The following IL1RAPL2 variants were observed in gnomAD, a reference collection of about 807,000 sequenced individuals.
IL1RAPL2 encodes interleukin 1 receptor accessory protein like 2, also known as X-linked interleukin-1 receptor accessory protein-like 2.
IL1RAPL2 carries 3 observed loss-of-function variants against 44.1 expected under a neutral mutation model. The observed-to-expected ratio is 0.07, with a 90% CI of 0.03 to 0.18. The LOEUF is 0.18. Ranked by LOEUF, IL1RAPL2 falls within the 10% of genes least tolerant of loss-of-function variation. The pLI is 1.00. For synonymous variants in IL1RAPL2, 181 were observed against 178.8 expected (o/e 1.01, Z -0.10); for missense variants, 391 against 496.4 (o/e 0.79, Z 2.02).
chrX:104,679,149 C>T (rs779637821), intron 2 of IL1RAPL2, among the ~76,000 whole-genome samples: 7 of 111,087 alleles, frequency 6.3e-5, no homozygotes, highest in Non-Finnish European at 1.3e-4. Context: ...ATCCACTACC[C>T]GTTGTGTACT....
At chrX:104,677,838 G>A (rs953599979) in intron 2 of IL1RAPL2, among the ~76,000 whole-genome samples, 2 of 112,020 alleles carry the variant, frequency 1.8e-5, no homozygotes, top group African/African-American at 6.5e-5. Context: ...CGCGGTATTC[G>A]GGTGGGAGTG....
intron 6 of IL1RAPL2, among the ~76,000 whole-genome samples, chrX:105,653,583 A>G (rs1270552804): frequency 1.0e-5 from 1 of 97,518 alleles, no homozygotes; most frequent in Non-Finnish European, 2.0e-5. Context: ...TCTTGCTGAG[A>G]CTTTTTCTTT....
chrX:104,596,203 G>C (rs1035659390), intron 1 of IL1RAPL2, among the ~76,000 whole-genome samples: 1 of 111,093 alleles, frequency 9.0e-6, no homozygotes, highest in Non-Finnish European at 1.9e-5. Context: ...TGAAGTAATA[G>C]GTGAACATAA....
At chrX:104,915,213 C>T (rs1341470867) in intron 2 of IL1RAPL2, among the ~76,000 whole-genome samples, 1 of 111,118 alleles carries the variant, frequency 9.0e-6, no homozygotes, top group Non-Finnish European at 1.9e-5. Flanking sequence ...TTCTCCACAT[C>T]CTCTCCAGCA....
At chrX:104,612,748 A>C (rs1352873980) in intron 1 of IL1RAPL2, among the ~76,000 whole-genome samples, 1 of 111,484 alleles carries the variant, frequency 9.0e-6, no homozygotes, top group Non-Finnish European at 1.9e-5. Context: ...ATAGCATTGA[A>C]TCTGTAGATT....
intron 5 of IL1RAPL2, among the ~76,000 whole-genome samples, chrX:105,350,553 G>A (rs1039948412): frequency 5.4e-5 from 6 of 111,408 alleles, no homozygotes; most frequent in Non-Finnish European, 7.5e-5. Context: ...GAGAAACCCC[G>A]TCTCCACTAA....
At chrX:104,654,215 T>C (rs966795713) in intron 1 of IL1RAPL2, among the ~76,000 whole-genome samples, 2 of 111,150 alleles carry the variant, frequency 1.8e-5, no homozygotes, top group Non-Finnish European at 3.8e-5. Flanking sequence ...TACTGTTCAT[T>C]TAAAAATGAA....
At chrX:105,234,149 C>T in intron 4 of IL1RAPL2, 145 bp downstream of exon 4, 2 of 436,984 alleles carry the variant, frequency 4.6e-6, no homozygotes, top group Middle Eastern at 6.6e-4. Flanking sequence ...TAATTCAGAG[C>T]TGTGACTCTT....
At chrX:104,886,016 C>T (rs1200828505) in intron 2 of IL1RAPL2, among the ~76,000 whole-genome samples, 1 of 112,551 alleles carries the variant, frequency 8.9e-6, no homozygotes, top group Non-Finnish European at 1.9e-5. Flanking sequence ...CCATTGAGGG[C>T]CAGGAAATTG....
intron 6 of IL1RAPL2, among the ~76,000 whole-genome samples, chrX:105,708,074 C>T (rs2038179778): frequency 9.0e-6 from 1 of 111,486 alleles, no homozygotes; most frequent in Admixed American, 9.6e-5. Flanking sequence ...AAAATCAATA[C>T]TGTGACATGA....
chrX:104,659,181 T>G (rs1930339205), intron 2 of IL1RAPL2, among the ~76,000 whole-genome samples, 186 bp downstream of exon 2: 1 of 111,743 alleles, frequency 8.9e-6, no homozygotes, highest in Non-Finnish European at 1.9e-5. Context: ...GGGAAATCAG[T>G]GGAATTTTGT....
chrX:105,293,116 CAAAAAAAA>C (rs10566162), intron 5 of IL1RAPL2, among the ~76,000 whole-genome samples: 73 of 50,835 alleles, frequency 1.4e-3, no homozygotes, highest in Middle Eastern at 0.022. Flanking sequence ...CGACTCTGTC[CAAAAAAAA>C]AAAAAAAAAA....
At chrX:105,286,410 T>G (rs1193952932) in intron 5 of IL1RAPL2, among the ~76,000 whole-genome samples, 1 of 108,857 alleles carries the variant, frequency 9.2e-6, no homozygotes, top group African/African-American at 3.3e-5. Context: ...TTACTGTTCC[T>G]ACTACTAGTA....
intron 6 of IL1RAPL2, among the ~76,000 whole-genome samples, chrX:105,668,712 C>T (rs1349677529): frequency 8.9e-6 from 1 of 111,906 alleles, no homozygotes; most frequent in Non-Finnish European, 1.9e-5. Flanking sequence ...TTAATGAGAG[C>T]CCTGATACCA....
intron 2 of IL1RAPL2, among the ~76,000 whole-genome samples, chrX:105,112,621 C>T (rs184384066): frequency 5.3e-5 from 6 of 112,648 alleles, no homozygotes; most frequent in South Asian, 7.3e-4. Context: ...TAAAGTACAA[C>T]AATCTCACTG....
At chrX:105,108,125 C>T (rs181165915) in intron 2 of IL1RAPL2, among the ~76,000 whole-genome samples, 18 of 111,559 alleles carry the variant, frequency 1.6e-4, no homozygotes, top group Non-Finnish European at 2.8e-4. Context: ...CCAAATCCAG[C>T]TCTGCTGGAC....
At chrX:104,941,267 G>A (rs1925166557) in intron 2 of IL1RAPL2, among the ~76,000 whole-genome samples, 1 of 111,190 alleles carries the variant, frequency 9.0e-6, no homozygotes, top group Non-Finnish European at 1.9e-5. Context: ...AGATCCTTGG[G>A]GAATCGCCAC....
intron 2 of IL1RAPL2, among the ~76,000 whole-genome samples, chrX:105,120,844 C>G (rs1043543983): frequency 8.9e-6 from 1 of 111,955 alleles, no homozygotes; most frequent in Non-Finnish European, 1.9e-5. Flanking sequence ...CAGTAGCTCT[C>G]ACGGATTTGA....
chrX:105,102,892 T>C (rs1170292707), intron 2 of IL1RAPL2, among the ~76,000 whole-genome samples: 2 of 110,942 alleles, frequency 1.8e-5, no homozygotes, highest in East Asian at 5.7e-4. Context: ...TGGGTTGGAA[T>C]GAGGGGTAAG....
Sources: gnomAD v4.1 joint callset for allele counts (sites outside exome capture counted in the v4.1 genomes callset) on GRCh38, gnomAD v4.1.1 for gene constraint, MANE v1.5 for transcripts, NCBI Gene and HGNC (gene_info 2026-07-23, HGNC 2026-07-21) for gene names.